CDH9: variants seen among roughly 807,000 people sequenced by gnomAD.
CDH9 encodes cadherin-9.
A neutral mutation model predicts 70.9 loss-of-function variants in CDH9; 28 were observed. That is an observed-to-expected ratio of 0.40 (90% confidence interval 0.29 to 0.54). CDH9 has a LOEUF of 0.54. Ranked by LOEUF, CDH9 falls within the 20% of genes least tolerant of loss-of-function variation. The probability of loss-of-function intolerance (pLI) is 0.59; values close to 1 mark genes in which losing one functional copy is unlikely to be tolerated. For synonymous variants in CDH9, 409 were observed against 343.1 expected, an observed-to-expected ratio of 1.19 and a Z score of -2.12; for missense variants, 874 against 984.4, an observed-to-expected ratio of 0.89 and a Z score of 1.50.
chr5:27,025,443 G>A (rs1484388942), intron 1 of CDH9, among the ~76,000 whole-genome samples: 1 of 151,942 alleles, frequency 6.6e-6, no homozygotes, highest in Non-Finnish European at 1.5e-5. Flanking sequence ...AGAAACACAG[G>A]CTACTTTAGT....
chr5:26,968,958 T>C (rs1742173116), intron 2 of CDH9, among the ~76,000 whole-genome samples: 1 of 152,202 alleles, frequency 6.6e-6, no homozygotes, highest in African/African-American at 2.4e-5. Flanking sequence ...GTCTGATATA[T>C]CAGAGGTTAT....
chr5:26,902,952 A>T (rs191444070), intron 6 of CDH9: 1,070 of 423,844 alleles, frequency 2.5e-3, no homozygotes, highest in Non-Finnish European at 3.6e-3. Context: ...ATTGAGATTG[A>T]TTCTCACTTA....
At chr5:26,967,570 GTACTTTTTTAGA>G (rs1234974186) in intron 2 of CDH9, among the ~76,000 whole-genome samples, 5 of 151,938 alleles carry the variant, frequency 3.3e-5, no homozygotes, top group Non-Finnish European at 5.9e-5. Context: ...TATATTCTAG[GTACTTTTTTAGA>G]TACTAGAAAT....
intron 2 of CDH9, among the ~76,000 whole-genome samples, chr5:26,946,003 A>C (rs1280004362): frequency 6.6e-6 from 1 of 152,154 alleles, no homozygotes; most frequent in Non-Finnish European, 1.5e-5. Flanking sequence ...GAGTCATGTA[A>C]TTCTTTAACA....
intron 2 of CDH9, among the ~76,000 whole-genome samples, chr5:26,982,627 C>G (rs1441691988): frequency 6.6e-6 from 1 of 152,074 alleles, no homozygotes; most frequent in Non-Finnish European, 1.5e-5. Flanking sequence ...AACTAGGAGA[C>G]AATGTAGAAG....
chr5:26,881,124 C>A lies in CDH9; in HGVS notation c.*12G>T. 6.3e-7 allele frequency: 1 copy of A among 1,582,816 alleles called. No individual in the cohort carries two copies. The highest frequency in any genetic ancestry group is 1.2e-5 in the South Asian group (1 of 85,430). On this transcript the variant is annotated 3_prime_UTR_variant, in exon 12 of 12. Coordinates refer to ENST00000231021, the MANE Select transcript of CDH9 (RefSeq NM_016279.4). ...GTACTTCCACTAATATTGATTAAGT[C>A]AAACAATCCTCTTAGTCTCGGTCAC...
intron 1 of CDH9, among the ~76,000 whole-genome samples, chr5:27,008,452 T>C (rs1036879499): frequency 2.0e-5 from 3 of 151,454 alleles, no homozygotes; most frequent in Non-Finnish European, 4.4e-5. Flanking sequence ...ATTGCACCAC[T>C]GCACTCCAGC....
intron 6 of CDH9, chr5:26,902,933 G>T: frequency 2.1e-6 from 1 of 475,898 alleles, no homozygotes; most frequent in Non-Finnish European, 3.7e-6. Context: ...TTAATATAAT[G>T]GCATACACAT....
intron 2 of CDH9, among the ~76,000 whole-genome samples, chr5:26,955,263 C>A (rs1018741614): frequency 6.6e-6 from 1 of 151,954 alleles, no homozygotes; most frequent in Non-Finnish European, 1.5e-5. Flanking sequence ...CATGAGAATC[C>A]CTTATTTATG....
chr5:26,963,685 T>C (rs1180767693), intron 2 of CDH9, among the ~76,000 whole-genome samples: 2 of 152,108 alleles, frequency 1.3e-5, no homozygotes, highest in Admixed American at 6.6e-5. Context: ...CCTTACCATA[T>C]AATCTGCGAA....
intron 2 of CDH9, among the ~76,000 whole-genome samples, chr5:26,973,685 TAATA>T (rs1329426087): frequency 1.3e-5 from 2 of 152,194 alleles, no homozygotes; most frequent in African/African-American, 4.8e-5. Context: ...GAGCCCGTGT[TAATA>T]AATATTTATT....
chr5:26,946,094 C>A (rs1741747723), intron 2 of CDH9, among the ~76,000 whole-genome samples: 1 of 152,110 alleles, frequency 6.6e-6, no homozygotes, highest in Admixed American at 6.6e-5. Flanking sequence ...TATAATGTTA[C>A]ATAAGCTACA....
chr5:26,894,744 A>G (rs1313337532), intron 7 of CDH9, among the ~76,000 whole-genome samples: 1 of 152,094 alleles, frequency 6.6e-6, no homozygotes, highest in African/African-American at 2.4e-5. Flanking sequence ...AGCTATCTCT[A>G]TGTTCCAGCA....
chr5:26,902,890 G>C (rs1740881610), intron 6 of CDH9, 161 bp from the exon 7 acceptor site: 6 of 565,014 alleles, frequency 1.1e-5, no homozygotes, highest in Non-Finnish European at 1.6e-5. Flanking sequence ...ATAAATATAT[G>C]TTTTGCCATA....
intron 2 of CDH9, among the ~76,000 whole-genome samples, chr5:26,976,528 C>T (rs1742305032): frequency 6.6e-6 from 1 of 152,052 alleles, no homozygotes; most frequent in Non-Finnish European, 1.5e-5. Context: ...ACTTCTGCTT[C>T]CCGGGCTCAA....
At chr5:26,920,318 T>C (rs1741222494) in intron 2 of CDH9, among the ~76,000 whole-genome samples, 1 of 151,828 alleles carries the variant, frequency 6.6e-6, no homozygotes, top group African/African-American at 2.4e-5. Context: ...GATTTTTTCA[T>C]GTGGTTTGGA....
intron 2 of CDH9, among the ~76,000 whole-genome samples, chr5:26,962,830 C>T (rs532287317): frequency 3.3e-5 from 5 of 152,148 alleles, no homozygotes; most frequent in African/African-American, 9.6e-5. Context: ...ATAAAAATAA[C>T]GTTTCTCATT....
intron 2 of CDH9, among the ~76,000 whole-genome samples, chr5:26,983,663 T>C (rs1742439548): frequency 6.6e-6 from 1 of 152,174 alleles, no homozygotes; most frequent in Non-Finnish European, 1.5e-5. Flanking sequence ...TATTTACAAA[T>C]CAAAAGCAGC....
At chr5:27,025,688 T>C (rs1743209154) in intron 1 of CDH9, among the ~76,000 whole-genome samples, 2 of 151,958 alleles carry the variant, frequency 1.3e-5, no homozygotes, top group Non-Finnish European at 2.9e-5. Context: ...ATGTTCAAGA[T>C]AAAAAATCAC....
Sources: allele counts gnomAD v4.1 joint callset (sites outside exome capture counted in the v4.1 genomes callset), GRCh38; gene constraint gnomAD v4.1.1; transcripts MANE v1.5; gene names NCBI Gene and HGNC (gene_info 2026-07-23, HGNC 2026-07-21).